TMTC1: variants seen among roughly 807,000 people sequenced by gnomAD.
TMTC1 encodes the protein protein O-mannosyl-transferase TMTC1.
In TMTC1, 73 loss-of-function variants were observed where a neutral mutation model predicts 104.8. The observed-to-expected ratio is 0.70, with a 90% confidence interval of 0.58 to 0.85. TMTC1 has a LOEUF of 0.85. Among genes scored for constraint, TMTC1 ranks in the 40% least tolerant of loss-of-function variants. The pLI, the probability that TMTC1 is intolerant of heterozygous loss-of-function variation, is 0.00. For missense variants in TMTC1, 1,035 were observed against 1,096.1 expected (o/e 0.94, Z 0.79); for synonymous variants, 434 against 428.7 (o/e 1.01, Z -0.15).
chr12:29,689,172 T>C lies in TMTC1; in HGVS notation c.939-55836A>G, dbSNP rs549205983. On this transcript the variant is annotated intron_variant, in intron 5 of 17. Coordinates refer to ENST00000539277, the MANE Select transcript of TMTC1 (RefSeq NM_001193451.2). The stretch of plus-strand genomic sequence containing the variant: ...AAACTTGGCAAAGAACTAGGCAACT[T>C]TGTAGAGCCATCATACCAACCTCAG... Among the ~76,000 whole-genome samples, 21 of 152,236 alleles carry C rather than the reference T, an allele frequency of 1.4e-4. 2 individuals carry two copies. Among genetic ancestry groups the C allele is most frequent in the African/African-American group, 4.8e-4 (20 of 41,544 alleles).
chr12:29,699,893 C>T (rs1194626130), intron 5 of TMTC1, among the ~76,000 whole-genome samples: 1 of 152,006 alleles, frequency 6.6e-6, no homozygotes, highest in Admixed American at 6.6e-5. Flanking sequence ...CCTCCCACCT[C>T]AACCTCCCAA....
At chr12:29,777,685 T>C (rs974249510) in intron 1 of TMTC1, among the ~76,000 whole-genome samples, 2 of 152,188 alleles carry the variant, frequency 1.3e-5, no homozygotes, top group African/African-American at 4.8e-5. Flanking sequence ...AACCTTAGGG[T>C]GGCATAAAAT....
chr12:29,665,976 T>A (rs1940260821), intron 5 of TMTC1, among the ~76,000 whole-genome samples: 1 of 151,976 alleles, frequency 6.6e-6, no homozygotes, highest in African/African-American at 2.4e-5. Flanking sequence ...TCACTGGCTA[T>A]AAATTCCCAC....
intron 7 of TMTC1, among the ~76,000 whole-genome samples, chr12:29,585,974 A>G (rs958450463): frequency 6.6e-6 from 1 of 152,134 alleles, no homozygotes; most frequent in Non-Finnish European, 1.5e-5. Flanking sequence ...AATTCTGTGA[A>G]GAAAGTCATT....
chr12:29,728,526 C>G (rs1421519733), intron 5 of TMTC1, among the ~76,000 whole-genome samples: 1 of 152,168 alleles, frequency 6.6e-6, no homozygotes, highest in Admixed American at 6.5e-5. Context: ...TACCCAGAAG[C>G]TTATCCTTAG....
intron 5 of TMTC1, among the ~76,000 whole-genome samples, chr12:29,728,789 G>A (rs1357392672): frequency 6.6e-6 from 1 of 151,230 alleles, no homozygotes; most frequent in East Asian, 2.0e-4. Flanking sequence ...ACGAGGTCAG[G>A]AGTTTGAGAC....
chr12:29,718,378 C>G (rs1458127034), intron 5 of TMTC1, among the ~76,000 whole-genome samples: 1 of 152,124 alleles, frequency 6.6e-6, no homozygotes, highest in Non-Finnish European at 1.5e-5. Context: ...TCCAGAGCAG[C>G]CTTGATAACT....
At chr12:29,539,188 G>C (rs1944726076) in intron 10 of TMTC1, among the ~76,000 whole-genome samples, 1 of 152,066 alleles carries the variant, frequency 6.6e-6, no homozygotes, top group African/African-American at 2.4e-5. Flanking sequence ...ACCTTTCTTG[G>C]TTATATAGTA....
chr12:29,600,460 C>T (rs1012688739), intron 7 of TMTC1, among the ~76,000 whole-genome samples: 2 of 152,100 alleles, frequency 1.3e-5, no homozygotes, highest in African/African-American at 4.8e-5. Context: ...CTTTAATTTC[C>T]AACTCATCCT....
chr12:29,677,778 C>T (rs941041152), intron 5 of TMTC1, among the ~76,000 whole-genome samples: 1 of 152,220 alleles, frequency 6.6e-6, no homozygotes, highest in African/African-American at 2.4e-5. Flanking sequence ...TCGACTGCCG[C>T]AGCATCACAG....
intron 8 of TMTC1, among the ~76,000 whole-genome samples, chr12:29,572,561 T>C (rs74078415): frequency 0.14 from 20,853 of 152,146 alleles, 2,011 homozygotes; most frequent in African/African-American, 0.27. Flanking sequence ...TGAGGCTTTT[T>C]TTTGGGAGCA....
At chr12:29,706,939 A>T (rs1941762129) in intron 5 of TMTC1, among the ~76,000 whole-genome samples, 1 of 152,208 alleles carries the variant, frequency 6.6e-6, no homozygotes, top group African/African-American at 2.4e-5. Context: ...CAAAGACAGG[A>T]TTGAAAGCAG....
At chr12:29,756,329 T>C (rs1451273191) in intron 3 of TMTC1, among the ~76,000 whole-genome samples, 1 of 152,188 alleles carries the variant, frequency 6.6e-6, no homozygotes, top group Admixed American at 6.5e-5. Context: ...TGAAAAGGGA[T>C]TATAGCGTTG....
intron 5 of TMTC1, among the ~76,000 whole-genome samples, chr12:29,637,457 T>C (rs1462661077): frequency 2.0e-5 from 3 of 152,192 alleles, no homozygotes; most frequent in African/African-American, 7.2e-5. Flanking sequence ...GCCAACAAAA[T>C]GGAATATATG....
At chr12:29,764,965 C>A (rs1231328012) in intron 2 of TMTC1, among the ~76,000 whole-genome samples, 2 of 152,110 alleles carry the variant, frequency 1.3e-5, no homozygotes, top group Non-Finnish European at 2.9e-5. Flanking sequence ...ACTGTTATTG[C>A]CCTACTCATT....
chr12:29,532,282 C>G (rs1944526268), intron 11 of TMTC1, among the ~76,000 whole-genome samples: 1 of 151,888 alleles, frequency 6.6e-6, no homozygotes, highest in African/African-American at 2.4e-5. Flanking sequence ...TTGGAACTGC[C>G]CTTTCGGAAA....
chr12:29,614,233 A>G (rs915434709), intron 6 of TMTC1, among the ~76,000 whole-genome samples: 4 of 152,230 alleles, frequency 2.6e-5, no homozygotes, highest in African/African-American at 9.6e-5. Flanking sequence ...ATTACTATTC[A>G]TGGTAGATTT....
chr12:29,698,102 C>T (rs1175318822), intron 5 of TMTC1, among the ~76,000 whole-genome samples: 1 of 152,102 alleles, frequency 6.6e-6, no homozygotes, highest in African/African-American at 2.4e-5. Flanking sequence ...CTGGACCAAC[C>T]AAGGAAGAAA....
At chr12:29,523,269 C>G (rs1944235796) in intron 11 of TMTC1, among the ~76,000 whole-genome samples, 1 of 152,214 alleles carries the variant, frequency 6.6e-6, no homozygotes, top group South Asian at 2.1e-4. Flanking sequence ...TGAACCAGAA[C>G]AGGTTCAAGG....
Sources: gnomAD v4.1 joint callset for allele counts (sites outside exome capture counted in the v4.1 genomes callset) on GRCh38, gnomAD v4.1.1 for gene constraint, MANE v1.5 for transcripts, NCBI Gene and HGNC (gene_info 2026-07-23, HGNC 2026-07-21) for gene names.